LARS1: variants seen among roughly 807,000 people sequenced by gnomAD.
The protein encoded by LARS1 is leucyl-tRNA synthetase 1, also known as leucine--tRNA ligase, cytoplasmic.
A neutral mutation model predicts 162.8 loss-of-function variants in LARS1; 100 were observed. The observed-to-expected ratio is 0.61, with a 90% CI of 0.52 to 0.73. LARS1 has a LOEUF of 0.73. Among genes scored for constraint, LARS1 ranks in the 30% least tolerant of loss-of-function variants. The pLI is 0.00. For synonymous variants in LARS1, 457 were observed against 462.8 expected, an observed-to-expected ratio of 0.99 and a Z score of 0.16; for missense variants, 1,258 against 1,408.9, an observed-to-expected ratio of 0.89 and a Z score of 1.71.
chr5:146,160,656 C>T (rs182801361), intron 6 of LARS1, among the ~76,000 whole-genome samples, 170 bp from the exon 7 acceptor site: 4 of 151,802 alleles, frequency 2.6e-5, no homozygotes, highest in East Asian at 1.9e-4. Context: ...CTTTAATTTA[C>T]TTAAAGTATA....
At chr5:146,169,636 C>T (rs1754170770) in intron 4 of LARS1, among the ~76,000 whole-genome samples, 1 of 151,904 alleles carries the variant, frequency 6.6e-6, no homozygotes, top group Non-Finnish European at 1.5e-5. Context: ...GCAACCTCTA[C>T]TTCCCGGGTT....
At chr5:146,147,578 AT>A (rs1229372330) in intron 15 of LARS1, among the ~76,000 whole-genome samples, 1 of 152,162 alleles carries the variant, frequency 6.6e-6, no homozygotes. Context: ...ATAAATTTGT[AT>A]TCATACACAC....
intron 1 of LARS1, chr5:146,179,733 G>A (rs1581099798): frequency 2.4e-6 from 1 of 413,302 alleles, no homozygotes; most frequent in Non-Finnish European, 4.8e-6. Flanking sequence ...CTGAATAGCT[G>A]GGACTACAGG....
chr5:146,143,600 T>C, intron 18 of LARS1, 50 bp from the exon 19 acceptor site: 4 of 1,574,862 alleles, frequency 2.5e-6, no homozygotes, highest in Non-Finnish European at 2.6e-6. Flanking sequence ...ATTTCATCTA[T>C]AGAATCCACA....
intron 2 of LARS1, among the ~76,000 whole-genome samples, chr5:146,173,095 C>A (rs1219296877): frequency 1.3e-5 from 2 of 152,138 alleles, no homozygotes; most frequent in Admixed American, 1.3e-4. Context: ...CACCTGTAAT[C>A]CCAACACTTT....
intron 2 of LARS1, among the ~76,000 whole-genome samples, chr5:146,174,465 CATATAT>C (rs57666793): frequency 2.7e-5 from 1 of 37,432 alleles, no homozygotes; most frequent in Non-Finnish European, 7.3e-5. Context: ...TATATATATC[CATATAT>C]ATATATATAT....
rs189541972 is a variant in LARS1 at position 146,135,746 on chromosome 5, G to A, written c.2149-82C>T. 1.9e-4 allele frequency: 171 copies of A among 918,310 alleles called. No homozygotes were observed. The Admixed American group carries it at 3.0e-3, about 16-fold the overall frequency. 56.9% of individuals were successfully genotyped at this position (918,310 alleles called of 1,614,324 possible). A position where few individuals can be genotyped will look rare whatever the true frequency, so the allele number is the denominator to read the frequency against. On this transcript the variant is annotated intron_variant, in intron 21 of 31. Coordinates refer to ENST00000394434, the MANE Select transcript of LARS1 (RefSeq NM_020117.11). Reference sequence around the variant, plus strand: ...GAGCCAAATAAAATTAACTAGGTTGGCCATGACCAGATAAAAACAAAAAAG... The same window carrying A: ...GAGCCAAATAAAATTAACTAGGTTGACCATGACCAGATAAAAACAAAAAAG...
At chr5:146,138,728 CAAAA>C (rs879232853) in intron 21 of LARS1, 19 of 115,200 alleles carry the variant, frequency 1.6e-4, no homozygotes, top group South Asian at 6.7e-4. Context: ...GACTCTGTCT[CAAAA>C]AAAAAAAAAA....
At chr5:146,138,744 G>GA (rs896706300) in intron 21 of LARS1, 3 of 152,470 alleles carry the variant, frequency 2.0e-5, no homozygotes, top group Non-Finnish European at 4.2e-5. Flanking sequence ...AAAAAAAAAA[G>GA]AAAGAAAAAG....
intron 7 of LARS1, among the ~76,000 whole-genome samples, 197 bp downstream of exon 7, chr5:146,160,177 G>T (rs988308709): frequency 4.6e-5 from 7 of 152,106 alleles, no homozygotes; most frequent in Non-Finnish European, 1.5e-5. Context: ...TAGGACTACA[G>T]GTGCATGCCA....
intron 21 of LARS1, among the ~76,000 whole-genome samples, chr5:146,139,295 A>G (rs968380605): frequency 2.6e-5 from 4 of 151,174 alleles, no homozygotes; most frequent in African/African-American, 7.3e-5. Flanking sequence ...GTGAGCCAAG[A>G]TCGTGTCACT....
intron 28 of LARS1, among the ~76,000 whole-genome samples, chr5:146,124,496 C>CCTT (rs1751964565): frequency 6.6e-6 from 1 of 151,736 alleles, no homozygotes; most frequent in Non-Finnish European, 1.5e-5. Context: ...TGAGATACCA[C>CCTT]CTTCTTAAAG....
At chr5:146,127,780 A>G (rs1752106246) in intron 27 of LARS1, among the ~76,000 whole-genome samples, 1 of 152,168 alleles carries the variant, frequency 6.6e-6, no homozygotes, top group South Asian at 2.1e-4. Flanking sequence ...AAATAGACTC[A>G]CAAGAAATAC....
At chr5:146,144,119 T>C in intron 18 of LARS1, 148 bp downstream of exon 18, 1 of 633,962 alleles carries the variant, frequency 1.6e-6, no homozygotes, top group Non-Finnish European at 2.8e-6. Flanking sequence ...TAGTGGACTA[T>C]ATCCTAGTTT....
intron 2 of LARS1, among the ~76,000 whole-genome samples, chr5:146,176,464 A>G (rs1241919166): frequency 4.8e-4 from 72 of 151,500 alleles, no homozygotes; most frequent in Middle Eastern, 3.4e-3. Context: ...AAAAAAAAAA[A>G]AAAGAAAGAA....
chr5:146,157,682 A>C (rs1442673186), intron 9 of LARS1, 46 bp downstream of exon 9: 1 of 1,611,810 alleles, frequency 6.2e-7, no homozygotes, highest in Non-Finnish European at 8.5e-7. Context: ...TGTAACAACT[A>C]TCTGATGGTT....
chr5:146,148,437 G>A (rs1371522154), intron 15 of LARS1, among the ~76,000 whole-genome samples: 1 of 152,160 alleles, frequency 6.6e-6, no homozygotes, highest in African/African-American at 2.4e-5. Context: ...GAGTACTGAC[G>A]AGTGTATTTT....
At position 146,120,420 on chromosome 5, in the gene LARS1, G is replaced by A. The variant is rs760825200; in HGVS notation, c.3276C>T (p.Asn1092=). 4 of 1,613,312 alleles carry A rather than the reference G, an allele frequency of 2.5e-6. No homozygotes were observed. The highest frequency in any genetic ancestry group is 3.4e-6 in the Non-Finnish European group (4 of 1,179,480). The part of the protein sequence containing the change: ...STKIEIRQGD[N]CDSIIRRLMK... Reference sequence around the variant, plus strand: ...TTAAACGCCTGATTATGGAATCACAGTTATCTCCTTGCCTGATTTCAATTT... The same window carrying A: ...TTAAACGCCTGATTATGGAATCACAATTATCTCCTTGCCTGATTTCAATTT... Residue 1092 remains asparagine (N), a synonymous_variant, in exon 31 of 32, where the codon AAC becomes AAT. Coordinates refer to ENST00000394434, the MANE Select transcript of LARS1 (RefSeq NM_020117.11).
intron 15 of LARS1, among the ~76,000 whole-genome samples, chr5:146,148,626 C>G (rs1045810273): frequency 6.6e-6 from 1 of 151,924 alleles, no homozygotes; most frequent in Non-Finnish European, 1.5e-5. Flanking sequence ...GTAGTATATA[C>G]CAATAAATGT....
Sources: allele counts gnomAD v4.1 joint callset (sites outside exome capture counted in the v4.1 genomes callset), GRCh38; gene constraint gnomAD v4.1.1; transcripts MANE v1.5; gene names NCBI Gene and HGNC (gene_info 2026-07-23, HGNC 2026-07-21).